Variants in ADGRG6 observed in about 807,000 individuals in gnomAD.
The protein encoded by ADGRG6 is adhesion G protein-coupled receptor G6, also known as G-protein coupled receptor 126.
A neutral mutation model predicts 142.4 loss-of-function variants in ADGRG6; 84 were observed. The ratio of observed to expected loss-of-function variants is 0.59; its 90% CI spans 0.49 to 0.71. The LOEUF (loss-of-function observed/expected upper bound fraction) is 0.71. Among genes scored for constraint, ADGRG6 ranks in the 30% least tolerant of loss-of-function variants. The probability of loss-of-function intolerance (pLI) is 0.00; values close to 1 mark genes in which losing one functional copy is unlikely to be tolerated. For missense variants in ADGRG6, 1,367 were observed against 1,466.6 expected (o/e 0.93, Z 1.11); for synonymous variants, 521 against 520.5 (o/e 1.00, Z -0.01).
chr6:142,345,277 A>G (rs1018913561), intron 2 of ADGRG6, among the ~76,000 whole-genome samples: 1 of 152,070 alleles, frequency 6.6e-6, no homozygotes, highest in African/African-American at 2.4e-5. Flanking sequence ...GAAATAGCCT[A>G]GGGGAAAAGT....
chr6:142,382,161 G>GT, intron 5 of ADGRG6, 142 bp downstream of exon 5: 1 of 617,270 alleles, frequency 1.6e-6, no homozygotes, highest in Non-Finnish European at 2.9e-6. Context: ...TTCTGCATGT[G>GT]TTTTAGTTGT....
At chr6:142,363,288 A>G (rs1780803023) in intron 2 of ADGRG6, among the ~76,000 whole-genome samples, 1 of 152,124 alleles carries the variant, frequency 6.6e-6, no homozygotes, top group African/African-American at 2.4e-5. Context: ...TGGATTTTAT[A>G]AAGAAGTACT....
chr6:142,411,883 C>A (rs183002654), intron 18 of ADGRG6, among the ~76,000 whole-genome samples: 3 of 152,030 alleles, frequency 2.0e-5, no homozygotes, highest in African/African-American at 7.2e-5. Context: ...GGTACTGCAC[C>A]GAGTGATCTC....
chr6:142,321,950 C>T (rs986675948), intron 2 of ADGRG6, among the ~76,000 whole-genome samples: 2 of 152,076 alleles, frequency 1.3e-5, no homozygotes, highest in Non-Finnish European at 2.9e-5. Flanking sequence ...CTATCTATAT[C>T]GAGAATTACG....
chr6:142,352,973 C>G (rs1780262191), intron 2 of ADGRG6, among the ~76,000 whole-genome samples: 2 of 152,200 alleles, frequency 1.3e-5, no homozygotes, highest in Admixed American at 6.5e-5. Context: ...TCCTTTCTCT[C>G]TCTCCACCAA....
In ADGRG6 at chr6:142,334,458, C is replaced by T. The variant is rs79772403; in HGVS notation, c.103+24814C>T. Reference sequence around the variant, plus strand: ...AAGTGCTGTTACCTAACTCTCCACACGTAGCAGAAGCCCAAGTGCCTGTAG... The same window carrying T: ...AAGTGCTGTTACCTAACTCTCCACATGTAGCAGAAGCCCAAGTGCCTGTAG... On this transcript the variant is annotated intron_variant, in intron 2 of 24. Coordinates refer to ENST00000367609, the MANE Select transcript of ADGRG6 (RefSeq NM_198569.3). Among the ~76,000 whole-genome samples the T allele has an allele frequency of 4.2e-3, 636 of 152,288 alleles. 4 individuals are homozygous for T. The highest frequency in any genetic ancestry group is 0.014 in the African/African-American group (600 of 41,566).
intron 22 of ADGRG6, among the ~76,000 whole-genome samples, chr6:142,435,109 A>G (rs184257615): frequency 6.6e-6 from 1 of 152,224 alleles, no homozygotes; most frequent in East Asian, 1.9e-4. Flanking sequence ...AGGAACATAT[A>G]AGTTTTAATG....
Position 142,400,534 on chromosome 6 carries a change from C to T in ADGRG6, c.1617C>T (p.Ile539=). The T allele has an allele frequency of 3.7e-6, 6 of 1,608,176 alleles. No individual in the cohort carries two copies. Among genetic ancestry groups the T allele is most frequent in the Non-Finnish European group, 4.3e-6 (5 of 1,175,056 alleles). Residue 539 remains isoleucine (I), a synonymous_variant, in exon 11 of 25, where the codon ATC becomes ATT. Coordinates refer to ENST00000367609, the MANE Select transcript of ADGRG6 (RefSeq NM_198569.3). ...EEPKGYYWPS[I]QPSEYVLPCP... ...CCAAAGGCTACTACTGGCCATCTAT[C>T]CAACCTTCTGAATACGTTCTTCCTT... is the stretch of plus-strand genomic sequence containing the variant.
intron 18 of ADGRG6, among the ~76,000 whole-genome samples, chr6:142,412,383 C>T (rs1192484616): frequency 2.0e-5 from 3 of 152,112 alleles, no homozygotes; most frequent in Non-Finnish European, 4.4e-5. Flanking sequence ...TTTGTTTATT[C>T]CCGCCTTTAA....
At position 142,403,823 on chromosome 6, in the gene ADGRG6, A is replaced by T; in HGVS notation, c.1977A>T (p.Glu659Asp). 6.3e-7 allele frequency: 1 copy of T among 1,584,052 alleles called. No individual in the cohort carries two copies. Among genetic ancestry groups the T allele is most frequent in the Non-Finnish European group, 8.5e-7 (1 of 1,170,372 alleles). ...SSSEALKTID[E>D]LAFKIDLNST... ...TTAGAGCTTTAAAAACAATTGATGA[A>T]TTGGCCTTCAAGATAGACCTAAATA... Residue 659 changes from glutamate (E) to aspartate (D), a missense_variant, in exon 14 of 25, where the codon GAA becomes GAT. Glu to Asp is a conservative substitution (Grantham distance 45). Coordinates refer to ENST00000367609, the MANE Select transcript of ADGRG6 (RefSeq NM_198569.3).
At chr6:142,330,532 G>C (rs1462923222) in intron 2 of ADGRG6, among the ~76,000 whole-genome samples, 1 of 152,192 alleles carries the variant, frequency 6.6e-6, no homozygotes. Flanking sequence ...TAATATACTA[G>C]GTCACCAGAT....
rs58848776 is a variant in ADGRG6, at chr6:142,314,971, AGTGTGTGTGT to A, written c.103+5352_103+5361del. Among the ~76,000 whole-genome samples the A allele has an allele frequency of 7.3e-4, 106 of 145,088 alleles. No individual in the cohort carries two copies. In the East Asian group the frequency reaches 0.01, roughly 14 times the overall value. On this transcript the variant is annotated intron_variant, in intron 2 of 24. Coordinates refer to ENST00000367609, the MANE Select transcript of ADGRG6 (RefSeq NM_198569.3). ...TCCTTAGCCTACAGTCCAATCATGG[AGTGTGTGTGT>A]GTGTGTGTGTGTGTGTGTGTGTGTT...
At chr6:142,369,864 A>G (rs945608506) in intron 3 of ADGRG6, among the ~76,000 whole-genome samples, 4 of 152,178 alleles carry the variant, frequency 2.6e-5, no homozygotes, top group African/African-American at 9.7e-5. Context: ...GGGTTTTTAA[A>G]TTGTTAATTT....
chr6:142,438,179 A>G, intron 23 of ADGRG6, 33 bp from the exon 24 acceptor site: 1 of 1,462,390 alleles, frequency 6.8e-7, no homozygotes, highest in Non-Finnish European at 9.3e-7. Flanking sequence ...CCGGTAAAGC[A>G]GATTGATAGG....
chr6:142,400,289 G>A (rs1330884089), intron 10 of ADGRG6, among the ~76,000 whole-genome samples, 196 bp from the exon 11 acceptor site: 3 of 151,534 alleles, frequency 2.0e-5, no homozygotes, highest in Admixed American at 2.0e-4. Context: ...GATTTGAAGT[G>A]TATTAAATGT....
At chr6:142,320,651 A>G (rs1449100219) in intron 2 of ADGRG6, among the ~76,000 whole-genome samples, 1 of 152,134 alleles carries the variant, frequency 6.6e-6, no homozygotes. Context: ...TTCTATTAAT[A>G]GCAAAATCAG....
At position 142,302,234 on chromosome 6, in the gene ADGRG6, C is replaced by T. The variant is rs1000566004; in HGVS notation, c.-96C>T. On this transcript the variant is annotated 5_prime_UTR_variant, in exon 1 of 25. Coordinates refer to ENST00000367609, the MANE Select transcript of ADGRG6 (RefSeq NM_198569.3). ...CCCGCCGCGGCGCAGGGCTGGGGCG[C>T]CTGGGTTCCCCCTGGGTGGAGCAGC... The T allele has an allele frequency of 5.0e-5, 73 of 1,464,500 alleles. No homozygotes were observed. The highest frequency in any genetic ancestry group is 6.5e-5 in the Non-Finnish European group (69 of 1,069,574). The allele number at this position is 1,464,500 out of a possible 1,614,324, so 90.7% of individuals were successfully genotyped here.
intron 2 of ADGRG6, among the ~76,000 whole-genome samples, chr6:142,352,426 G>A (rs1423644372): frequency 6.6e-6 from 1 of 152,076 alleles, no homozygotes; most frequent in African/African-American, 2.4e-5. Flanking sequence ...AATACACATG[G>A]ACATAAAGAC....
At chr6:142,381,265 CAT>C (rs1265060740) in intron 4 of ADGRG6, among the ~76,000 whole-genome samples, 1 of 151,986 alleles carries the variant, frequency 6.6e-6, no homozygotes, top group Non-Finnish European at 1.5e-5. Flanking sequence ...TGTATACACA[CAT>C]ATACATATAT....
Sources: gnomAD v4.1 joint callset for allele counts (sites outside exome capture counted in the v4.1 genomes callset) on GRCh38, gnomAD v4.1.1 for gene constraint, MANE v1.5 for transcripts, NCBI Gene and HGNC (gene_info 2026-07-23, HGNC 2026-07-21) for gene names.